The following MLC1 variants were observed in gnomAD, a reference collection of about 807,000 sequenced individuals.
MLC1 encodes the protein membrane protein MLC1.
Under a neutral mutation model 44.7 loss-of-function variants are expected in MLC1, and 32 were observed. The ratio of observed to expected loss-of-function variants is 0.72; its 90% CI spans 0.54 to 0.96. The LOEUF (loss-of-function observed/expected upper bound fraction) is 0.96. Ranked by LOEUF, MLC1 falls within the 40% of genes least tolerant of loss-of-function variation. The probability of loss-of-function intolerance (pLI) is 0.00; values close to 1 mark genes in which losing one functional copy is unlikely to be tolerated. For synonymous variants in MLC1, 190 were observed against 213.0 expected (o/e 0.89, Z 0.94); for missense variants, 459 against 492.2 (o/e 0.93, Z 0.64).
Position 50,060,709 on chromosome 22 carries a change from G to A in MLC1, c.*874C>T, listed in dbSNP as rs555631034. ...CACTGCCTGTCACAGCAGCGGCCACGTGGCACTCCAAGCTGGGCATGACAG... is the reference window on the plus strand; with the variant it reads ...CACTGCCTGTCACAGCAGCGGCCACATGGCACTCCAAGCTGGGCATGACAG... On this transcript the variant is annotated 3_prime_UTR_variant, in exon 12 of 12. Coordinates refer to ENST00000311597, the MANE Select transcript of MLC1 (RefSeq NM_015166.4). The A allele has an allele frequency of 1.6e-5, 2 of 123,778 alleles. No individual in the cohort carries two copies. Among genetic ancestry groups the A allele is most frequent in the Admixed American group, 8.8e-5 (1 of 11,328 alleles). The allele number at this position is 123,778 out of a possible 1,614,324, so 7.7% of individuals were successfully genotyped here.
chr22:50,066,689 A>G (rs1039075632), intron 10 of MLC1, among the ~76,000 whole-genome samples: 3 of 152,108 alleles, frequency 2.0e-5, no homozygotes, highest in African/African-American at 7.2e-5. Flanking sequence ...GGTACAGAAT[A>G]GTGATTCTAG....
At chr22:50,079,500 C>CTTTTTTTTTTTT (rs55760839) in intron 5 of MLC1, among the ~76,000 whole-genome samples, 4 of 75,808 alleles carry the variant, frequency 5.3e-5, no homozygotes, top group Non-Finnish European at 7.4e-5. Flanking sequence ...GGATTTTTGT[C>CTTTTTTTTTTTT]TTTTTTTTTT....
intron 5 of MLC1, among the ~76,000 whole-genome samples, chr22:50,079,716 A>G (rs1000053070): frequency 1.3e-5 from 2 of 152,094 alleles, no homozygotes; most frequent in Non-Finnish European, 2.9e-5. Context: ...TTGTTTACCA[A>G]TAAATCTGTC....
rs2061649775 is a variant in MLC1 at position 50,064,051 on chromosome 22, C to T, written c.1042G>A (p.Glu348Lys). ...ASWDTQNGPQ[E>K]RLAGEVARSP... The stretch of plus-strand genomic sequence containing the variant: ...CCACTCACCTCCCCAGCCAGGCGCT[C>T]CTGCGGGCCGTTCTGGGTGTCCCAG... The change falls in exon 11 of 12, where the codon GAG (glutamate) becomes AAG (lysine). Residue 348 changes from glutamate (E) to lysine (K), a missense_variant. Glu to Lys is a moderately conservative substitution (Grantham distance 56). Coordinates refer to ENST00000311597, the MANE Select transcript of MLC1 (RefSeq NM_015166.4). The T allele has an allele frequency of 1.2e-6, 2 of 1,606,652 alleles. No individual in the cohort carries two copies. Among genetic ancestry groups the T allele is most frequent in the Admixed American group, 1.7e-5 (1 of 59,942 alleles).
chr22:50,065,460 A>G (rs1476898580), intron 10 of MLC1, among the ~76,000 whole-genome samples: 1 of 152,234 alleles, frequency 6.6e-6, no homozygotes, highest in Non-Finnish European at 1.5e-5. Flanking sequence ...CACAACAAGC[A>G]GAACAAGAAA....
intron 11 of MLC1, among the ~76,000 whole-genome samples, chr22:50,062,659 A>C (rs1449096794): frequency 6.6e-6 from 1 of 152,250 alleles, no homozygotes; most frequent in Non-Finnish European, 1.5e-5. Flanking sequence ...TGTGCTGAAC[A>C]CAGGAGGGCA....
chr22:50,071,716 C>T (rs973997982), intron 8 of MLC1, among the ~76,000 whole-genome samples: 1 of 152,208 alleles, frequency 6.6e-6, no homozygotes, highest in Non-Finnish European at 1.5e-5. Flanking sequence ...TGGATGGGCA[C>T]CTCTTCCTTT....
At chr22:50,080,786 A>G (rs1483245924) in intron 3 of MLC1, among the ~76,000 whole-genome samples, 1 of 152,130 alleles carries the variant, frequency 6.6e-6, no homozygotes, top group Non-Finnish European at 1.5e-5. Flanking sequence ...AGGCTCTTCT[A>G]GCTGGATAAG....
chr22:50,061,672 G>C lies in MLC1; in HGVS notation c.1060-15C>G. On this transcript the variant is annotated splice_polypyrimidine_tract_variant and intron_variant, in intron 11 of 11. Transcript: ENST00000311597. ...CTCCTGGCCACCTGCAACCGAGACA[G>C]GAAAGGTGTTACTTCACCAGGGCCA... is the stretch of plus-strand genomic sequence containing the variant. 6.2e-7 allele frequency: 1 copy of C among 1,611,430 alleles called. No individual in the cohort carries two copies. Among genetic ancestry groups the C allele is most frequent in the African/African-American group, 1.3e-5 (1 of 75,028 alleles).
At chr22:50,078,565 C>A (rs1165838410) in intron 5 of MLC1, among the ~76,000 whole-genome samples, 1 of 150,866 alleles carries the variant, frequency 6.6e-6, no homozygotes, top group Non-Finnish European at 1.5e-5. Flanking sequence ...ATGGTGAAAC[C>A]CCTTGTCTAC....
intron 10 of MLC1, 28 bp downstream of exon 10, chr22:50,068,405 G>A (rs372664786): frequency 3.4e-5 from 55 of 1,611,034 alleles, no homozygotes; most frequent in Non-Finnish European, 4.3e-5. Context: ...CACATGTCTG[G>A]GGGGCTCTGA....
chr22:50,077,401 CTTCT>C lies in MLC1; in HGVS notation c.521_524del (p.Lys174ArgfsTer21). On this transcript the variant is annotated frameshift_variant and splice_region_variant, in exon 6 of 12. Coordinates refer to ENST00000311597, the MANE Select transcript of MLC1 (RefSeq NM_015166.4). LOFTEE classifies it high-confidence loss of function. ...CTGCGGGGTCAGAAGCTGCACCCACCTTCTTTTTCTTGCAGTCCTCCTCGCTGGA... is the reference window on the plus strand; with the variant it reads ...CTGCGGGGTCAGAAGCTGCACCCACCTTTTCTTGCAGTCCTCCTCGCTGGA... The C allele has an allele frequency of 6.2e-7, 1 of 1,613,750 alleles. No individual in the cohort carries two copies.
intron 8 of MLC1, 78 bp downstream of exon 8, chr22:50,074,138 T>TGA: frequency 8.1e-7 from 1 of 1,238,074 alleles, no homozygotes; most frequent in Non-Finnish European, 1.2e-6. Context: ...GCACCAAGAC[T>TGA]GAGCTCGGGG....
chr22:50,074,158 G>A (rs972314146), intron 8 of MLC1, 58 bp downstream of exon 8: 6 of 1,423,546 alleles, frequency 4.2e-6, no homozygotes, highest in Admixed American at 1.8e-5. Context: ...GCCCAGCCAC[G>A]CAGGATCTGA....
chr22:50,074,537 C>T, intron 7 of MLC1: 2 of 604,844 alleles, frequency 3.3e-6, no homozygotes, highest in Non-Finnish European at 6.0e-6. Flanking sequence ...TCACGTCCCT[C>T]CTGGAGTAAA....
chr22:50,080,713 A>G (rs1297668986), intron 3 of MLC1, among the ~76,000 whole-genome samples: 1 of 152,172 alleles, frequency 6.6e-6, no homozygotes, highest in Non-Finnish European at 1.5e-5. Context: ...AGGTACTTCA[A>G]AATAATTTAT....
chr22:50,081,677 G>T (rs1274437379), intron 3 of MLC1, among the ~76,000 whole-genome samples: 1 of 152,264 alleles, frequency 6.6e-6, no homozygotes, highest in South Asian at 2.1e-4. Flanking sequence ...GGAGGCAGAA[G>T]AAGCCCCGTC....
At chr22:50,067,604 G>A (rs2061737554) in intron 10 of MLC1, among the ~76,000 whole-genome samples, 1 of 56,660 alleles carries the variant, frequency 1.8e-5, no homozygotes, top group Non-Finnish European at 3.0e-5. Context: ...CCGTCAGGCA[G>A]TGACTCCATC....
chr22:50,074,656 G>A (rs1242246453), intron 7 of MLC1: 1 of 375,890 alleles, frequency 2.7e-6, no homozygotes, highest in East Asian at 6.4e-5. Context: ...TCCCTTCCCT[G>A]TCTCACAGTG....
Sources: allele counts gnomAD v4.1 joint callset (sites outside exome capture counted in the v4.1 genomes callset), GRCh38; gene constraint gnomAD v4.1.1; transcripts MANE v1.5; gene names NCBI Gene and HGNC (gene_info 2026-07-23, HGNC 2026-07-21).